RPTOR: variants seen among roughly 807,000 people sequenced by gnomAD.
RPTOR encodes regulatory-associated protein of mTOR.
Under a neutral mutation model 169.9 loss-of-function variants are expected in RPTOR, and 21 were observed. The ratio of observed to expected loss-of-function variants is 0.12; its 90% confidence interval spans 0.09 to 0.18. The LOEUF is 0.18. Among genes scored for constraint, RPTOR ranks in the 10% least tolerant of loss-of-function variants. The pLI is 1.00. For missense variants in RPTOR, 1,133 were observed against 1,855.9 expected, an observed-to-expected ratio of 0.61 and a Z score of 7.16; for synonymous variants, 732 against 753.2, an observed-to-expected ratio of 0.97 and a Z score of 0.46.
chr17:80,569,971 G>C (rs2064886057), intron 1 of RPTOR, among the ~76,000 whole-genome samples: 1 of 152,076 alleles, frequency 6.6e-6, no homozygotes, highest in African/African-American at 2.4e-5. Context: ...AGTCTCACCA[G>C]CAGCACGCCC....
At chr17:80,634,165 TGCATACTGTGTGTGTGC>T (rs1264971536) in intron 2 of RPTOR, among the ~76,000 whole-genome samples, 16 of 145,610 alleles carry the variant, frequency 1.1e-4, no homozygotes, top group Admixed American at 4.1e-4. Flanking sequence ...TGTGTGTGTG[TGCATACTGTGTGTGTGC>T]GCATACTGTG....
intron 1 of RPTOR, 115 bp from the exon 2 acceptor site, chr17:80,625,576 G>T (rs1381348424): frequency 9.3e-6 from 7 of 749,614 alleles, no homozygotes; most frequent in Non-Finnish European, 1.6e-5. Context: ...CTGGCTGGAG[G>T]GCAGGTGGGT....
intron 3 of RPTOR, among the ~76,000 whole-genome samples, chr17:80,694,865 G>A (rs56388257): frequency 0.018 from 2,787 of 152,308 alleles, 91 homozygotes; most frequent in African/African-American, 0.063. Flanking sequence ...TCGAGGGGAA[G>A]GGGTTGAGTA....
chr17:80,793,074 G>A (rs1002965681), intron 7 of RPTOR, among the ~76,000 whole-genome samples: 1 of 152,194 alleles, frequency 6.6e-6, no homozygotes, highest in Non-Finnish European at 1.5e-5. Context: ...GCTTCTCAAA[G>A]CGCCGGGATT....
Position 80,962,458 on chromosome 17 carries a change from C to T in RPTOR, c.3693-3C>T. ...AGGTGTCACTGTGACCCTCTCTTGG[C>T]AGCGTCAATGGAGATGTGCGCATCT... On this transcript the variant is annotated splice_region_variant and splice_polypyrimidine_tract_variant and intron_variant, in intron 31 of 33. Coordinates refer to ENST00000306801, the MANE Select transcript of RPTOR (RefSeq NM_020761.3). 6.2e-7 allele frequency: 1 copy of T among 1,612,092 alleles called. No homozygotes were observed. The highest frequency in any genetic ancestry group is 8.5e-7 in the Non-Finnish European group (1 of 1,178,488).
intron 33 of RPTOR, among the ~76,000 whole-genome samples, chr17:80,963,911 C>T (rs916299635): frequency 2.0e-5 from 3 of 152,096 alleles, no homozygotes; most frequent in Admixed American, 6.5e-5. Flanking sequence ...GGCTTCAGGC[C>T]GTTGTTTTTA....
chr17:80,750,444 T>C (rs1425993463), intron 5 of RPTOR, among the ~76,000 whole-genome samples: 3 of 152,222 alleles, frequency 2.0e-5, no homozygotes, highest in Non-Finnish European at 4.4e-5. Flanking sequence ...CACGGAGGTC[T>C]GCCTCAGATG....
chr17:80,854,448 G>T (rs141561312), intron 11 of RPTOR, among the ~76,000 whole-genome samples: 11 of 152,374 alleles, frequency 7.2e-5, no homozygotes, highest in Admixed American at 2.0e-4. Context: ...GCCGTCGAGA[G>T]TGTGAGTGGG....
intron 5 of RPTOR, among the ~76,000 whole-genome samples, chr17:80,732,946 A>G (rs1375763178): frequency 1.3e-5 from 2 of 152,360 alleles, no homozygotes; most frequent in African/African-American, 2.4e-5. Context: ...TGACAGGTGA[A>G]TGATTTGTTC....
At position 80,781,796 on chromosome 17, in the gene RPTOR, C is replaced by T. The variant is rs564767251; in HGVS notation, c.831-9654C>T. Reference sequence around the variant, plus strand: ...TGTCTGCGTTATTCCAGCAAAGCCCCTGCACTGCGCTGGAGGGACTTTTGT... The same window carrying T: ...TGTCTGCGTTATTCCAGCAAAGCCCTTGCACTGCGCTGGAGGGACTTTTGT... On this transcript the variant is annotated intron_variant, in intron 6 of 33. Transcript: ENST00000306801. 7.9e-5 allele frequency among the ~76,000 whole-genome samples: 12 copies of T among 152,360 alleles called. No homozygotes were observed. In the East Asian group the frequency reaches 1.9e-3, roughly 25 times the overall value.
At chr17:80,945,976 C>G (rs201501281) in intron 26 of RPTOR, among the ~76,000 whole-genome samples, 195 bp downstream of exon 26, 1 of 152,174 alleles carries the variant, frequency 6.6e-6, no homozygotes, top group Non-Finnish European at 1.5e-5. Context: ...ACACCTGCCC[C>G]GGGCCTGGCC....
intron 1 of RPTOR, among the ~76,000 whole-genome samples, chr17:80,624,790 TC>T (rs2065380337): frequency 6.6e-6 from 1 of 152,222 alleles, no homozygotes; most frequent in South Asian, 2.1e-4. Flanking sequence ...ATACATGTCT[TC>T]CCTCACTCAG....
At chr17:80,734,232 A>G (rs1267188911) in intron 5 of RPTOR, among the ~76,000 whole-genome samples, 1 of 152,140 alleles carries the variant, frequency 6.6e-6, no homozygotes, top group Non-Finnish European at 1.5e-5. Flanking sequence ...ATAGATCCAC[A>G]AGGAGAGCGG....
intron 21 of RPTOR, among the ~76,000 whole-genome samples, chr17:80,919,466 G>A (rs923085297): frequency 3.3e-5 from 5 of 152,208 alleles, no homozygotes; most frequent in African/African-American, 4.8e-5. Flanking sequence ...AGAAGCTGAC[G>A]CTGGCATCCG....
At chr17:80,790,075 G>A (rs2067031876) in intron 6 of RPTOR, among the ~76,000 whole-genome samples, 2 of 152,198 alleles carry the variant, frequency 1.3e-5, no homozygotes. Context: ...GCATGTGTCT[G>A]TGCTGGTGCA....
intron 24 of RPTOR, among the ~76,000 whole-genome samples, chr17:80,925,966 C>T (rs894782501): frequency 4.6e-5 from 7 of 152,210 alleles, no homozygotes; most frequent in Admixed American, 6.5e-5. Flanking sequence ...TGGGGCAGGG[C>T]GGCGGCTCTC....
intron 7 of RPTOR, among the ~76,000 whole-genome samples, chr17:80,794,546 A>G (rs946668682): frequency 1.3e-5 from 2 of 152,216 alleles, no homozygotes; most frequent in African/African-American, 4.8e-5. Flanking sequence ...ATGTCCCCGC[A>G]TTCCTACTCC....
chr17:80,611,289 T>G (rs1419315424), intron 1 of RPTOR, among the ~76,000 whole-genome samples: 1 of 152,046 alleles, frequency 6.6e-6, no homozygotes, highest in Non-Finnish European at 1.5e-5. Flanking sequence ...TGAGATGGAG[T>G]CGCACTTTGT....
Position 80,915,248 on chromosome 17 carries a change from G to A in RPTOR, c.2520+6319G>A, listed in dbSNP as rs539268498. ...CTCTGCTGAGAGCTGAGCAGACGTC[G>A]GGAAAACCAGCTGCGGAGAGGAGTT... On this transcript the variant is annotated intron_variant, in intron 21 of 33. Transcript: ENST00000306801. 1.1e-4 allele frequency among the ~76,000 whole-genome samples: 16 copies of A among 144,864 alleles called. 1 individual carries two copies. The South Asian group carries it at 1.8e-3, about 16-fold the overall frequency.
Sources: allele counts gnomAD v4.1 joint callset (sites outside exome capture counted in the v4.1 genomes callset), GRCh38; gene constraint gnomAD v4.1.1; transcripts MANE v1.5; gene names NCBI Gene and HGNC (gene_info 2026-07-23, HGNC 2026-07-21).